VLDLR: variants seen among roughly 807,000 people sequenced by gnomAD.
The protein encoded by VLDLR is very low density lipoprotein receptor.
Under a neutral mutation model 112.7 loss-of-function variants are expected in VLDLR, and 81 were observed. The observed-to-expected ratio is 0.72, with a 90% CI of 0.60 to 0.86. VLDLR has a LOEUF of 0.86. Among genes scored for constraint, VLDLR ranks in the 40% least tolerant of loss-of-function variants. VLDLR has a pLI of 0.00. For missense variants in VLDLR, 1,237 were observed against 1,099.4 expected (o/e 1.13, Z -1.77); for synonymous variants, 436 against 384.8 (o/e 1.13, Z -1.56).
chr9:2,645,855 C>A lies in VLDLR; in HGVS notation c.1484+110C>A. 4.8e-6 allele frequency: 6 copies of A among 1,252,150 alleles called. 2 individuals are homozygous for A. In the South Asian group the frequency reaches 6.1e-5, roughly 13 times the overall value. 77.6% of individuals were successfully genotyped at this position (1,252,150 alleles called of 1,614,324 possible). ...TTTTGTGTCTAGCCCCATCTAGCAT[C>A]GAATTACCTGGGGACATTAAATCTA... On this transcript the variant is annotated intron_variant, in intron 10 of 18. Transcript: ENST00000382100.
intron 1 of VLDLR, among the ~76,000 whole-genome samples, chr9:2,625,102 G>T (rs1026885753): frequency 6.6e-6 from 1 of 152,192 alleles, no homozygotes; most frequent in East Asian, 1.9e-4. Context: ...ATGCTCAAAA[G>T]AAGTGAAGAC....
intron 18 of VLDLR, 144 bp from the exon 19 acceptor site, chr9:2,653,689 G>T: frequency 1.2e-6 from 1 of 823,358 alleles, no homozygotes. Context: ...ATACAACTCA[G>T]TATTCTTTTG....
At chr9:2,624,613 A>C (rs1283663536) in intron 1 of VLDLR, among the ~76,000 whole-genome samples, 1 of 152,248 alleles carries the variant, frequency 6.6e-6, no homozygotes, top group Non-Finnish European at 1.5e-5. Context: ...AGCTATTCAT[A>C]TATGGCTAGC....
intron 2 of VLDLR, among the ~76,000 whole-genome samples, chr9:2,636,103 C>G (rs911053381): frequency 2.6e-5 from 4 of 152,152 alleles, no homozygotes; most frequent in Admixed American, 2.6e-4. Context: ...GACATTCTCT[C>G]CCCAAGAGAA....
In VLDLR at chr9:2,622,323, G is replaced by A. The variant is rs36094506; in HGVS notation, c.82+52G>A. On this transcript the variant is annotated intron_variant, in intron 1 of 18. Coordinates refer to ENST00000382100, the MANE Select transcript of VLDLR (RefSeq NM_003383.5). ...GCGGGCGGGACCCAGCCGGGGCACCGGGAGACCCCGAGGCGTAGGTCTCCG... is the reference window on the plus strand; with the variant it reads ...GCGGGCGGGACCCAGCCGGGGCACCAGGAGACCCCGAGGCGTAGGTCTCCG... The A allele has an allele frequency of 8.5e-6, 12 of 1,408,602 alleles. 1 individual carries two copies. In the South Asian group the frequency reaches 1.6e-4, roughly 19 times the overall value. 87.3% of individuals were successfully genotyped at this position (1,408,602 alleles called of 1,614,324 possible). A position where few individuals can be genotyped will look rare whatever the true frequency, so the allele number is the denominator to read the frequency against.
chr9:2,622,207 C>T lies in VLDLR; in HGVS notation c.18C>T (p.Leu6=), dbSNP rs766858740. The change falls in exon 1 of 19, where the codon CTC becomes CTT. Residue 6 remains leucine, a synonymous_variant. Coordinates refer to ENST00000382100, the MANE Select transcript of VLDLR (RefSeq NM_003383.5). ...CGGGCACCATGGGCACGTCCGCGCT[C>T]TGGGCGCTCTGGCTGCTGCTCGCGC... MGTSA[L]WALWLLLALC... 1.3e-6 allele frequency: 2 copies of T among 1,501,840 alleles called. No individual in the cohort carries two copies. Among genetic ancestry groups the T allele is most frequent in the Admixed American group, 4.2e-5 (2 of 47,398 alleles). The allele number at this position is 1,501,840 out of a possible 1,614,324, so 93.0% of individuals were successfully genotyped here. A position where few individuals can be genotyped will look rare whatever the true frequency, so the allele number is the denominator to read the frequency against.
chr9:2,647,855 C>T, intron 12 of VLDLR: 1 of 584,778 alleles, frequency 1.7e-6, no homozygotes, highest in Non-Finnish European at 3.0e-6. Flanking sequence ...TGCACTCATA[C>T]TAAATATTCT....
chr9:2,654,190 A>G lies in VLDLR; in HGVS notation c.*322A>G, dbSNP rs894514946. 2 of 383,746 alleles carry G rather than the reference A, an allele frequency of 5.2e-6. No homozygotes were observed. Among genetic ancestry groups the G allele is most frequent in the Non-Finnish European group, 4.9e-6 (1 of 202,252 alleles). 23.8% of individuals were successfully genotyped at this position (383,746 alleles called of 1,614,324 possible). ...CAGTGAAACTTGTGCTATAGTGTAT[A>G]CCACCTGTACATACATTGTATAGGC... On this transcript the variant is annotated 3_prime_UTR_variant, in exon 19 of 19. Coordinates refer to ENST00000382100, the MANE Select transcript of VLDLR (RefSeq NM_003383.5).
intron 6 of VLDLR, 36 bp from the exon 7 acceptor site, chr9:2,643,801 A>T (rs1400313696): frequency 6.2e-7 from 1 of 1,614,198 alleles, no homozygotes; most frequent in Non-Finnish European, 8.5e-7. Context: ...GACCAGACCC[A>T]CTCATGGAAT....
At chr9:2,646,597 G>A in intron 11 of VLDLR, 45 bp downstream of exon 11, 1 of 1,579,266 alleles carries the variant, frequency 6.3e-7, no homozygotes, top group Non-Finnish European at 8.7e-7. Flanking sequence ...TGGTATCTGT[G>A]TAGGTCAGGA....
Position 2,635,582 on chromosome 9 carries a change from GA to G in VLDLR, c.202+11del. On this transcript the variant is annotated intron_variant, in intron 2 of 18. Transcript: ENST00000382100. ...GATGAAAAGAACTGTGGTAAGTAAA[GA>G]GTTTGATGACTTATGCATTTTGTTA... 6.2e-7 allele frequency: 1 copy of G among 1,613,950 alleles called. No individual in the cohort carries two copies. Among genetic ancestry groups the G allele is most frequent in the Non-Finnish European group, 8.5e-7 (1 of 1,179,842 alleles).
chr9:2,647,790 G>A (rs762430487), intron 12 of VLDLR, 198 bp downstream of exon 12: 5 of 659,602 alleles, frequency 7.6e-6, no homozygotes, highest in Admixed American at 4.2e-5. Flanking sequence ...TTACTGGCCT[G>A]TTGTCCAGCT....
At chr9:2,636,621 T>G (rs574023636) in intron 2 of VLDLR, among the ~76,000 whole-genome samples, 1 of 152,216 alleles carries the variant, frequency 6.6e-6, no homozygotes, top group Non-Finnish European at 1.5e-5. Context: ...CATTCTACCA[T>G]CTCAGGGAAG....
chr9:2,627,312 A>G (rs1455782982), intron 1 of VLDLR, among the ~76,000 whole-genome samples: 5 of 152,262 alleles, frequency 3.3e-5, no homozygotes, highest in Non-Finnish European at 5.9e-5. Flanking sequence ...AAATAATTCT[A>G]TGTCTGCAGA....
chr9:2,634,085 G>A (rs1817491235), intron 1 of VLDLR, among the ~76,000 whole-genome samples: 1 of 152,216 alleles, frequency 6.6e-6, no homozygotes, highest in South Asian at 2.1e-4. Context: ...CAGAGTGATA[G>A]ATGCAGTTTT....
chr9:2,638,148 T>G (rs1817677692), intron 2 of VLDLR, among the ~76,000 whole-genome samples: 1 of 152,140 alleles, frequency 6.6e-6, no homozygotes, highest in Admixed American at 6.5e-5. Flanking sequence ...TTAACATTAG[T>G]GTTTGAGTTT....
chr9:2,643,922 C>T lies in VLDLR; in HGVS notation c.1029C>T (p.Asp343=). 1.9e-6 allele frequency: 3 copies of T among 1,614,076 alleles called. No homozygotes were observed. The highest frequency in any genetic ancestry group is 1.1e-5 in the South Asian group (1 of 91,072). ...GCAAAGTATGTAACCAGGAGCAGGA[C>T]TGCAGGGACTGGAGTGATGAGCCCC... ...DISKVCNQEQ[D]CRDWSDEPLK... is the part of the protein sequence containing the mutation. Residue 343 remains aspartate (D), a synonymous_variant, in exon 7 of 19, where the codon GAC becomes GAT. Transcript: ENST00000382100.
rs763718498 is a variant in VLDLR, at chr9:2,622,246, C to A, written c.57C>A (p.Pro19=). The change falls in exon 1 of 19, where the codon CCC becomes CCA. Residue 19 remains proline, a synonymous_variant. Coordinates refer to ENST00000382100, the MANE Select transcript of VLDLR (RefSeq NM_003383.5). ...TGCTGCTCGCGCTGTGCTGGGCGCCCCGGGAGAGCGGCGCCACCGGAACCG... is the reference window on the plus strand; with the variant it reads ...TGCTGCTCGCGCTGTGCTGGGCGCCACGGGAGAGCGGCGCCACCGGAACCG... ...LWLLLALCWA[P]RESGATGTGR... 4.7e-6 allele frequency: 7 copies of A among 1,495,432 alleles called. No homozygotes were observed. The highest frequency in any genetic ancestry group is 5.3e-6 in the Non-Finnish European group (6 of 1,129,150). 92.6% of individuals were successfully genotyped at this position (1,495,432 alleles called of 1,614,324 possible).
chr9:2,621,896 C>G lies in VLDLR; in HGVS notation c.-294C>G, dbSNP rs1163057206. ...ACCCCCTCTCCCTTCCCTCCTCTCC[C>G]CTTGCCTCCCCTCCTCTGCAGCGCC... On this transcript the variant is annotated 5_prime_UTR_variant, in exon 1 of 19. Coordinates refer to ENST00000382100, the MANE Select transcript of VLDLR (RefSeq NM_003383.5). 1.6e-6 allele frequency: 1 copy of G among 623,970 alleles called. No individual in the cohort carries two copies. 38.7% of individuals were successfully genotyped at this position (623,970 alleles called of 1,614,324 possible). A position where few individuals can be genotyped will look rare whatever the true frequency, so the allele number is the denominator to read the frequency against.
Sources: allele counts gnomAD v4.1 joint callset (sites outside exome capture counted in the v4.1 genomes callset), GRCh38; gene constraint gnomAD v4.1.1; transcripts MANE v1.5; gene names NCBI Gene and HGNC (gene_info 2026-07-23, HGNC 2026-07-21).